The following RALGAPA2 variants were observed in gnomAD, a reference collection of about 807,000 sequenced individuals.
The protein encoded by RALGAPA2 is ral GTPase-activating protein subunit alpha-2.
A neutral mutation model predicts 230.4 loss-of-function variants in RALGAPA2; 139 were observed. The ratio of observed to expected loss-of-function variants is 0.60; its 90% CI spans 0.53 to 0.69. The LOEUF (loss-of-function observed/expected upper bound fraction) is 0.69. RALGAPA2 is among the 30% of genes least tolerant of loss of function. RALGAPA2 has a pLI of 0.00. For synonymous variants in RALGAPA2, 847 were observed against 837.8 expected (o/e 1.01, Z -0.19); for missense variants, 2,163 against 2,276.0 (o/e 0.95, Z 1.01).
At chr20:20,549,384 G>A (rs2063861031) in intron 23 of RALGAPA2, among the ~76,000 whole-genome samples, 1 of 152,090 alleles carries the variant, frequency 6.6e-6, no homozygotes, top group African/African-American at 2.4e-5. Context: ...TCACTTCAAC[G>A]GAACCTGCTA....
chr20:20,663,657 T>C (rs112254291), intron 3 of RALGAPA2, among the ~76,000 whole-genome samples: 1,690 of 152,242 alleles, frequency 0.011, 30 homozygotes, highest in African/African-American at 0.039. Context: ...AGTGGCGCGA[T>C]CTCAGCTCAC....
intron 37 of RALGAPA2, among the ~76,000 whole-genome samples, chr20:20,433,917 G>T (rs1018292781): frequency 2.6e-5 from 4 of 152,198 alleles, no homozygotes; most frequent in Non-Finnish European, 5.9e-5. Flanking sequence ...TGCATGATAT[G>T]TATTTTATAT....
chr20:20,404,191 C>A (rs1364182478), intron 38 of RALGAPA2, among the ~76,000 whole-genome samples: 1 of 152,098 alleles, frequency 6.6e-6, no homozygotes, highest in Non-Finnish European at 1.5e-5. Context: ...TGAATTTGGC[C>A]ACATCAATGC....
At chr20:20,442,507 T>G (rs1569404291) in intron 37 of RALGAPA2, among the ~76,000 whole-genome samples, 1 of 152,242 alleles carries the variant, frequency 6.6e-6, no homozygotes, top group Non-Finnish European at 1.5e-5. Context: ...AAAGAATAAC[T>G]GTGTTATATT....
At chr20:20,559,611 T>A (rs535202475) in intron 23 of RALGAPA2, among the ~76,000 whole-genome samples, 9 of 152,338 alleles carry the variant, frequency 5.9e-5, no homozygotes, top group Non-Finnish European at 8.8e-5. Context: ...ATACTTATTT[T>A]ACATTTTGAT....
chr20:20,548,569 GA>G (rs1215745624), intron 23 of RALGAPA2, among the ~76,000 whole-genome samples: 1 of 150,492 alleles, frequency 6.6e-6, no homozygotes, highest in South Asian at 2.1e-4. Context: ...AAGGAAGGAA[GA>G]AAAAAAAACA....
Position 20,495,253 on chromosome 20 carries a change from T to C in RALGAPA2, c.5231A>G (p.Glu1744Gly). The C allele has an allele frequency of 6.5e-7, 1 of 1,538,732 alleles. No homozygotes were observed. Among genetic ancestry groups the C allele is most frequent in the South Asian group, 1.2e-5 (1 of 80,226 alleles). Residue 1744 changes from glutamate (E) to glycine (G), a missense_variant, in exon 36 of 40, where the codon GAG (glutamate) becomes GGG (glycine). Glu to Gly is a moderately conservative substitution (Grantham distance 98). Transcript: ENST00000202677. ...GTGTTCAGACCAGACGATATGGACC[T>C]CGTCATTCCCCAAGTGACGAAGCTG... ...TKKLRHLGNDEVHIVWSEHSR... is the reference protein window; with the variant it reads ...TKKLRHLGNDGVHIVWSEHSR...
intron 36 of RALGAPA2, among the ~76,000 whole-genome samples, chr20:20,480,409 G>A (rs1323351474): frequency 6.6e-6 from 1 of 152,148 alleles, no homozygotes; most frequent in Non-Finnish European, 1.5e-5. Context: ...CAAGCTAAGT[G>A]GGATATATTA....
intron 37 of RALGAPA2, among the ~76,000 whole-genome samples, chr20:20,422,028 T>G (rs1034857990): frequency 1.3e-5 from 2 of 152,180 alleles, no homozygotes; most frequent in Non-Finnish European, 2.9e-5. Context: ...AGAAGTCAGA[T>G]GCCAAAGCCC....
At chr20:20,601,134 G>A (rs2065637073) in intron 16 of RALGAPA2, among the ~76,000 whole-genome samples, 1 of 151,918 alleles carries the variant, frequency 6.6e-6, no homozygotes. Flanking sequence ...GAAAAGAAAA[G>A]AAAAGAAAAA....
intron 31 of RALGAPA2, among the ~76,000 whole-genome samples, chr20:20,517,817 A>T (rs1173656673): frequency 3.6e-5 from 5 of 137,720 alleles, no homozygotes; most frequent in East Asian, 2.8e-4. Context: ...AAAAGAAATT[A>T]AAAAAAAAAA....
chr20:20,415,412 T>A (rs1175017966), intron 37 of RALGAPA2, among the ~76,000 whole-genome samples: 3 of 152,246 alleles, frequency 2.0e-5, no homozygotes, highest in African/African-American at 7.2e-5. Flanking sequence ...TAACTTTTAA[T>A]TCTGTTCTGA....
intron 30 of RALGAPA2, among the ~76,000 whole-genome samples, chr20:20,523,289 A>T (rs186774599): frequency 1.3e-5 from 2 of 152,238 alleles, no homozygotes. Flanking sequence ...ATCAGTGTGT[A>T]TGTGTGTAGA....
intron 36 of RALGAPA2, among the ~76,000 whole-genome samples, chr20:20,474,451 G>T (rs540290680): frequency 6.6e-6 from 1 of 152,292 alleles, no homozygotes; most frequent in South Asian, 2.1e-4. Flanking sequence ...CATTTTAAAG[G>T]TATTGTTTTG....
intron 36 of RALGAPA2, among the ~76,000 whole-genome samples, chr20:20,484,963 A>C (rs1275380378): frequency 6.6e-6 from 1 of 152,068 alleles, no homozygotes; most frequent in Non-Finnish European, 1.5e-5. Context: ...TGTGCAACCC[A>C]TGGCCTGTGG....
rs536870004 is a variant in RALGAPA2, at chr20:20,572,659, T to C, written c.2901+216A>G. Among the ~76,000 whole-genome samples the C allele has an allele frequency of 5.3e-5, 8 of 152,316 alleles. No individual in the cohort carries two copies. In the South Asian group the frequency reaches 1.5e-3, roughly 28 times the overall value. ...TTAACATCCTGTATTTAATATCCTA[T>C]AGCAATATTCTACTTTTGCACTAAA... On this transcript the variant is annotated intron_variant, in intron 21 of 39. Coordinates refer to ENST00000202677, the MANE Select transcript of RALGAPA2 (RefSeq NM_020343.4).
chr20:20,412,811 C>A (rs2060089036), intron 37 of RALGAPA2, among the ~76,000 whole-genome samples: 1 of 152,194 alleles, frequency 6.6e-6, no homozygotes, highest in Admixed American at 6.5e-5. Context: ...AATGTGTAAT[C>A]AAAAACCAGT....
chr20:20,438,591 C>G (rs995298108), intron 37 of RALGAPA2, among the ~76,000 whole-genome samples: 1 of 152,188 alleles, frequency 6.6e-6, no homozygotes, highest in Non-Finnish European at 1.5e-5. Context: ...CCAGGGACCA[C>G]AGGCAGCATG....
At chr20:20,573,761 T>C (rs1389472228) in intron 20 of RALGAPA2, among the ~76,000 whole-genome samples, 1 of 152,196 alleles carries the variant, frequency 6.6e-6, no homozygotes, top group Admixed American at 6.5e-5. Flanking sequence ...ATCTGTACAG[T>C]TGTGGGTATC....
Sources: gnomAD v4.1 joint callset for allele counts (sites outside exome capture counted in the v4.1 genomes callset) on GRCh38, gnomAD v4.1.1 for gene constraint, MANE v1.5 for transcripts, NCBI Gene and HGNC (gene_info 2026-07-23, HGNC 2026-07-21) for gene names.